Variants in CARS2 observed in about 807,000 individuals in gnomAD.
The protein encoded by CARS2 is probable cysteine--tRNA ligase, mitochondrial.
CARS2 carries 52 observed loss-of-function variants against 68.8 expected under a neutral mutation model. The observed-to-expected ratio is 0.76, with a 90% confidence interval of 0.61 to 0.95. CARS2 has a LOEUF of 0.95. CARS2 is among the 40% of genes least tolerant of loss of function. CARS2 has a pLI of 0.00. For missense variants in CARS2, 780 were observed against 754.2 expected, an observed-to-expected ratio of 1.03 and a Z score of -0.40; for synonymous variants, 314 against 303.6, an observed-to-expected ratio of 1.03 and a Z score of -0.36.
intron 6 of CARS2, among the ~76,000 whole-genome samples, 197 bp from the exon 7 acceptor site, chr13:110,677,300 T>C (rs1208197252): frequency 6.5e-5 from 1 of 15,302 alleles, no homozygotes; most frequent in Non-Finnish European, 1.8e-4. Context: ...ACACAGAAAA[T>C]CACCCCAACA....
upstream of CARS2, among the ~76,000 whole-genome samples, chr13:110,709,803 T>C (rs2064012132): frequency 6.6e-6 from 1 of 152,150 alleles, no homozygotes; most frequent in Non-Finnish European, 1.5e-5. Flanking sequence ...ATACACCATA[T>C]ATACATAAAA....
chr13:110,661,509 A>G (rs569169914), intron 9 of CARS2, among the ~76,000 whole-genome samples: 9 of 152,316 alleles, frequency 5.9e-5, no homozygotes, highest in African/African-American at 1.9e-4. Context: ...TATCAGCAAT[A>G]AGGTTGTTTT....
upstream of CARS2, among the ~76,000 whole-genome samples, chr13:110,710,026 G>A (rs920091129): frequency 1.3e-5 from 2 of 152,046 alleles, no homozygotes; most frequent in Non-Finnish European, 2.9e-5. Flanking sequence ...ATGGTTTAGG[G>A]GTTTTCAAGT....
chr13:110,706,059 G>C lies in CARS2; in HGVS notation c.35C>G (p.Pro12Arg). The stretch of plus-strand genomic sequence containing the variant: ...GCCCAGCGCGGCCTGGAGCAGCGGG[G>C]GGCCCAGGCCTGGGCCGCGCGTAGT... ...LRTTRGPGLGPPLLQAALGLG... is the reference protein window; with the variant it reads ...LRTTRGPGLGRPLLQAALGLG... The change falls in exon 1 of 15, where the codon CCC becomes CGC. Residue 12 changes from proline to arginine, a missense_variant. Coordinates refer to ENST00000257347, the MANE Select transcript of CARS2 (RefSeq NM_024537.4). 3 of 1,358,768 alleles carry C rather than the reference G, an allele frequency of 2.2e-6. No homozygotes were observed. The highest frequency in any genetic ancestry group is 1.8e-5 in the South Asian group (1 of 55,068). The allele number at this position is 1,358,768 out of a possible 1,614,324, so 84.2% of individuals were successfully genotyped here. A position where few individuals can be genotyped will look rare whatever the true frequency, so the allele number is the denominator to read the frequency against.
At chr13:110,644,589 T>G in intron 12 of CARS2, 106 bp from the exon 13 acceptor site, 1 of 1,526,936 alleles carries the variant, frequency 6.5e-7, no homozygotes, top group Non-Finnish European at 8.8e-7. Flanking sequence ...CACTTCAGTC[T>G]GGCCTTTCTC....
chr13:110,651,110 C>G lies in CARS2; in HGVS notation c.988-10G>C, dbSNP rs568891064. 3.7e-6 allele frequency: 6 copies of G among 1,609,190 alleles called. No homozygotes were observed. Among genetic ancestry groups the G allele is most frequent in the Middle Eastern group, 3.3e-4 (2 of 6,072 alleles). On this transcript the variant is annotated splice_polypyrimidine_tract_variant and intron_variant, in intron 9 of 14. Transcript: ENST00000257347. ...AGGTCTTCAGAAAGTCCTGGTAAAG[C>G]GAGAGACAGGCAGTCACGAGGCTTT...
chr13:110,641,648 A>G (rs775673995), intron 14 of CARS2, 40 bp from the exon 15 acceptor site: 69 of 1,505,036 alleles, frequency 4.6e-5, no homozygotes, highest in Non-Finnish European at 5.5e-5. Flanking sequence ...AGCAGACACC[A>G]CGTCATGTGG....
intron 5 of CARS2, among the ~76,000 whole-genome samples, chr13:110,685,764 G>C (rs1594365588): frequency 6.6e-6 from 1 of 152,158 alleles, no homozygotes; most frequent in East Asian, 1.9e-4. Flanking sequence ...GTCAGGGTTT[G>C]CAGCCAGGAT....
intron 12 of CARS2, chr13:110,644,750 T>C: frequency 2.3e-6 from 1 of 433,414 alleles, no homozygotes; most frequent in Non-Finnish European, 4.2e-6. Flanking sequence ...GGGTGAAGCA[T>C]GACCGTGGAG....
intron 7 of CARS2, among the ~76,000 whole-genome samples, chr13:110,671,540 G>C (rs2062803333): frequency 1.3e-5 from 2 of 152,202 alleles, no homozygotes; most frequent in South Asian, 4.1e-4. Context: ...CACCAGGCCT[G>C]CCTTACAAGA....
At chr13:110,642,062 A>G (rs925970744) in intron 14 of CARS2, among the ~76,000 whole-genome samples, 4 of 151,386 alleles carry the variant, frequency 2.6e-5, no homozygotes, top group African/African-American at 4.9e-5. Flanking sequence ...TCAGCCGAGC[A>G]TGGGAGTGCA....
chr13:110,665,558 G>A lies in CARS2; in HGVS notation c.919+1782C>T. On this transcript the variant is annotated intron_variant, in intron 8 of 14. Transcript: ENST00000257347. This position sits in a 1 kb window ranked among gnomAD's most constrained non-coding sequence, Gnocchi z 4.3. ...AGGACGAAGCGTTGGCACAGCTAAG[G>A]CTGCCCTTCTTGCCCCCCAGCTCCA... 1 of 985,442 alleles carries A rather than the reference G, an allele frequency of 1.0e-6. No homozygotes were observed. The highest frequency in any genetic ancestry group is 4.7e-5 in the South Asian group (1 of 21,282). The allele number at this position is 985,442 out of a possible 1,614,324, so 61.0% of individuals were successfully genotyped here.
chr13:110,693,907 T>TC (rs2063548203), intron 3 of CARS2, among the ~76,000 whole-genome samples: 2 of 152,212 alleles, frequency 1.3e-5, no homozygotes, highest in African/African-American at 4.8e-5. Context: ...CAGCCCTTCC[T>TC]CAACATTTCA....
intron 9 of CARS2, among the ~76,000 whole-genome samples, chr13:110,658,530 A>T (rs1026158232): frequency 2.0e-5 from 3 of 152,072 alleles, no homozygotes; most frequent in Non-Finnish European, 4.4e-5. Flanking sequence ...TAACCACATT[A>T]AAAAAAACCC....
At chr13:110,680,951 G>A (rs1294271936) in intron 6 of CARS2, among the ~76,000 whole-genome samples, 2 of 152,258 alleles carry the variant, frequency 1.3e-5, no homozygotes. Flanking sequence ...GAGGTTATCG[G>A]CCAGGGCGTG....
chr13:110,684,739 T>C (rs1188906826), intron 5 of CARS2, among the ~76,000 whole-genome samples: 1 of 151,866 alleles, frequency 6.6e-6, no homozygotes, highest in Admixed American at 6.6e-5. Flanking sequence ...GAAGTCAGAA[T>C]ATAAACAGTG....
At chr13:110,644,679 T>G (rs1458596058) in intron 12 of CARS2, 196 bp from the exon 13 acceptor site, 12 of 913,870 alleles carry the variant, frequency 1.3e-5, no homozygotes, top group Admixed American at 6.1e-5. Context: ...GCATGAGGAA[T>G]CTCTTGTGCC....
At chr13:110,679,595 GAAAGAGA>G (rs2063088081) in intron 6 of CARS2, among the ~76,000 whole-genome samples, 1 of 9,592 alleles carries the variant, frequency 1.0e-4, no homozygotes, top group Non-Finnish European at 5.1e-4. Flanking sequence ...AAGAAAGAAA[GAAAGAGA>G]GAGAGAGAGA....
chr13:110,693,979 T>G (rs2063549698), intron 3 of CARS2, among the ~76,000 whole-genome samples: 1 of 152,106 alleles, frequency 6.6e-6, no homozygotes, highest in South Asian at 2.1e-4. Context: ...AGAGAAACTT[T>G]GGCTTGAATT....
Sources: allele counts gnomAD v4.1 joint callset (sites outside exome capture counted in the v4.1 genomes callset), GRCh38; gene constraint gnomAD v4.1.1; non-coding constraint Gnocchi (gnomAD v3.1); transcripts MANE v1.5; gene names NCBI Gene and HGNC (gene_info 2026-07-23, HGNC 2026-07-21).